Variants in FHL5 observed in about 807,000 individuals in gnomAD.
FHL5 encodes four and a half LIM domains 5.
Under a neutral mutation model 32.0 loss-of-function variants are expected in FHL5, and 33 were observed. That is an observed-to-expected ratio of 1.03 (90% CI 0.78 to 1.38). The LOEUF is 1.38. Among genes scored for constraint, FHL5 ranks in the 40% most tolerant of loss-of-function variants. The probability of loss-of-function intolerance (pLI) is 0.00; values close to 1 mark genes in which losing one functional copy is unlikely to be tolerated. For missense variants in FHL5, 336 were observed against 343.9 expected, an observed-to-expected ratio of 0.98 and a Z score of 0.18; for synonymous variants, 114 against 113.6, an observed-to-expected ratio of 1.00 and a Z score of -0.02.
At chr6:96,600,729 T>C (rs1250039370) in intron 1 of FHL5, among the ~76,000 whole-genome samples, 1 of 152,184 alleles carries the variant, frequency 6.6e-6, no homozygotes, top group Admixed American at 6.5e-5. Context: ...AAATGAGGAA[T>C]GAATTTCTTA....
At chr6:96,570,635 T>C (rs1262803389) in intron 1 of FHL5, among the ~76,000 whole-genome samples, 1 of 152,188 alleles carries the variant, frequency 6.6e-6, no homozygotes, top group East Asian at 1.9e-4. Context: ...AATATCTGTT[T>C]GTTTAATGTT....
At chr6:96,604,963 G>C in intron 3 of FHL5, 39 bp downstream of exon 3, 3 of 1,495,604 alleles carry the variant, frequency 2.0e-6, no homozygotes, top group Non-Finnish European at 2.7e-6. Flanking sequence ...AACTGAAGCT[G>C]TGATGCTTTT....
rs149040199 is a variant in FHL5, at chr6:96,574,853, C to G, written c.-13+11498C>G. On this transcript the variant is annotated intron_variant, in intron 1 of 5. Transcript: ENST00000450218. ...ACTTATAATATTCTTCACTTAGATA[C>G]CAAATGATCTGAAAAAGATTGATTA... 2.9e-3 allele frequency among the ~76,000 whole-genome samples: 441 copies of G among 151,948 alleles called. 1 individual carries two copies. Among genetic ancestry groups the G allele is most frequent in the African/African-American group, 0.01 (419 of 41,438 alleles).
intron 1 of FHL5, among the ~76,000 whole-genome samples, chr6:96,573,646 C>A (rs1437588469): frequency 6.6e-6 from 1 of 150,794 alleles, no homozygotes; most frequent in African/African-American, 2.4e-5. Context: ...CTCAGCCTCC[C>A]TAGTAGCTGG....
At chr6:96,580,502 C>T (rs968787641) in intron 1 of FHL5, among the ~76,000 whole-genome samples, 2 of 152,100 alleles carry the variant, frequency 1.3e-5, no homozygotes, top group African/African-American at 2.4e-5. Context: ...TAAATGTGCC[C>T]TTATGGACCT....
At position 96,616,832 on chromosome 6, in the gene FHL5, G is replaced by T. The variant is rs1771531049; in HGVS notation, c.*1060G>T. 6.6e-6 allele frequency among the ~76,000 whole-genome samples: 1 copy of T among 152,138 alleles called. No individual in the cohort carries two copies. The highest frequency in any genetic ancestry group is 1.5e-5 in the Non-Finnish European group (1 of 68,024). ...TCTAGTAATAATAAAAGCTGAAAAA[G>T]AATAATTCACTGCTGATAATTCAGA... On this transcript the variant is annotated 3_prime_UTR_variant, in exon 6 of 6. Transcript: ENST00000450218.
intron 2 of FHL5, 141 bp downstream of exon 2, chr6:96,603,913 T>G: frequency 1.6e-6 from 1 of 634,278 alleles, no homozygotes; most frequent in South Asian, 2.0e-5. Flanking sequence ...TTACCAGCAG[T>G]CAAGCTCCAG....
chr6:96,579,159 C>G (rs1040342776), intron 1 of FHL5, among the ~76,000 whole-genome samples: 2 of 152,110 alleles, frequency 1.3e-5, no homozygotes, highest in Non-Finnish European at 2.9e-5. Flanking sequence ...TCATTTGGTA[C>G]AAAATTCCAA....
At chr6:96,576,768 C>T (rs180712698) in intron 1 of FHL5, among the ~76,000 whole-genome samples, 12 of 152,320 alleles carry the variant, frequency 7.9e-5, no homozygotes, top group Admixed American at 7.2e-4. Context: ...GGACACAACC[C>T]TAAACAGGAC....
At chr6:96,572,910 TTA>T in intron 1 of FHL5, among the ~76,000 whole-genome samples, 1 of 152,200 alleles carries the variant, frequency 6.6e-6, no homozygotes, top group South Asian at 2.1e-4. Flanking sequence ...CAAGTTTCTA[TTA>T]GTTTTAAAAT....
intron 1 of FHL5, among the ~76,000 whole-genome samples, chr6:96,571,938 G>T (rs1770487358): frequency 6.6e-6 from 1 of 152,128 alleles, no homozygotes; most frequent in South Asian, 2.1e-4. Flanking sequence ...GACAGCTGTT[G>T]TTTGTTCCCT....
chr6:96,582,173 CAG>C (rs1562054931), intron 1 of FHL5, among the ~76,000 whole-genome samples: 1 of 152,210 alleles, frequency 6.6e-6, no homozygotes, highest in East Asian at 1.9e-4. Flanking sequence ...AGTAGAAGGG[CAG>C]ACTTATATCT....
chr6:96,612,608 C>G (rs1385383287), intron 5 of FHL5, among the ~76,000 whole-genome samples: 1 of 151,968 alleles, frequency 6.6e-6, no homozygotes, highest in Non-Finnish European at 1.5e-5. Context: ...CGTTGTTCTG[C>G]ACAAAAACAT....
intron 1 of FHL5, among the ~76,000 whole-genome samples, chr6:96,600,365 G>A (rs978055232): frequency 3.3e-5 from 5 of 152,068 alleles, no homozygotes; most frequent in Admixed American, 2.0e-4. Context: ...TTATTCTCAC[G>A]ACTCAACATT....
At chr6:96,580,725 T>A (rs910058377) in intron 1 of FHL5, among the ~76,000 whole-genome samples, 11 of 152,176 alleles carry the variant, frequency 7.2e-5, no homozygotes, top group African/African-American at 2.7e-4. Flanking sequence ...CAGAAAAGAA[T>A]TATGTGATTG....
In FHL5 at chr6:96,603,607, A is replaced by T; in HGVS notation, c.-7A>T. On this transcript the variant is annotated 5_prime_UTR_variant, in exon 2 of 6. Transcript: ENST00000450218. ...AATCACTTTGTCATTCATAGGATCA[A>T]ACCAAAATGACAACTGCTCACTTTT... 3 of 1,608,518 alleles carry T rather than the reference A, an allele frequency of 1.9e-6. No individual in the cohort carries two copies. Among genetic ancestry groups the T allele is most frequent in the Middle Eastern group, 1.7e-4 (1 of 5,718 alleles).
chr6:96,591,219 T>C (rs1371498701), intron 1 of FHL5, among the ~76,000 whole-genome samples: 1 of 152,070 alleles, frequency 6.6e-6, no homozygotes, highest in East Asian at 1.9e-4. Flanking sequence ...TCCCTCTGTA[T>C]GTAGCCTTTT....
chr6:96,592,838 T>C (rs553886137), intron 1 of FHL5, among the ~76,000 whole-genome samples: 1 of 152,294 alleles, frequency 6.6e-6, no homozygotes, highest in Admixed American at 6.5e-5. Context: ...TATTTGTCTT[T>C]CGTTTTTAGT....
At chr6:96,594,363 T>C (rs1201361485) in intron 1 of FHL5, among the ~76,000 whole-genome samples, 1 of 150,680 alleles carries the variant, frequency 6.6e-6, no homozygotes, top group Non-Finnish European at 1.5e-5. Flanking sequence ...TTTTGTTTCA[T>C]TTTGTTTTAC....
Sources: gnomAD v4.1 joint callset for allele counts (sites outside exome capture counted in the v4.1 genomes callset) on GRCh38, gnomAD v4.1.1 for gene constraint, MANE v1.5 for transcripts, NCBI Gene and HGNC (gene_info 2026-07-23, HGNC 2026-07-21) for gene names.